Variants in KDM1A observed in about 807,000 individuals in gnomAD.
The protein encoded by KDM1A is lysine-specific histone demethylase 1A.
Under a neutral mutation model 109.4 loss-of-function variants are expected in KDM1A, and 49 were observed. That is an observed-to-expected ratio of 0.45 (90% CI 0.36 to 0.57). The LOEUF (loss-of-function observed/expected upper bound fraction) is 0.57. Ranked by LOEUF, KDM1A falls within the 20% of genes least tolerant of loss-of-function variation. KDM1A has a pLI of 0.00. For missense variants in KDM1A, 668 were observed against 1,116.6 expected (o/e 0.60, Z 5.73); for synonymous variants, 380 against 415.4 (o/e 0.91, Z 1.04).
At chr1:23,040,543 TC>T (rs1164591796) in intron 2 of KDM1A, among the ~76,000 whole-genome samples, 8 of 151,928 alleles carry the variant, frequency 5.3e-5, no homozygotes, top group Non-Finnish European at 1.2e-4. Context: ...ACGCTCATAA[TC>T]CTGTTGCTTT....
chr1:23,025,126 TAA>T (rs1158956979), intron 1 of KDM1A, among the ~76,000 whole-genome samples: 1 of 152,218 alleles, frequency 6.6e-6, no homozygotes, highest in African/African-American at 2.4e-5. Context: ...ATGTGGCTAT[TAA>T]GTTTAAATTG....
At chr1:23,039,230 A>G (rs1642237623) in intron 2 of KDM1A, among the ~76,000 whole-genome samples, 1 of 152,210 alleles carries the variant, frequency 6.6e-6, no homozygotes, top group East Asian at 1.9e-4. Context: ...TAGCATTACT[A>G]GTCTTCTGAA....
chr1:23,078,951 A>T, intron 16 of KDM1A, 39 bp from the exon 17 acceptor site: 1 of 1,556,512 alleles, frequency 6.4e-7, no homozygotes, highest in Non-Finnish European at 8.8e-7. Flanking sequence ...TCAGTGCCAT[A>T]TTCATCACCA....
intron 15 of KDM1A, among the ~76,000 whole-genome samples, chr1:23,075,486 G>A (rs2124530033): frequency 6.6e-6 from 1 of 151,524 alleles, no homozygotes; most frequent in Admixed American, 6.6e-5. Context: ...CACGAGAATT[G>A]CCTGAACCCA....
intron 20 of KDM1A, 148 bp downstream of exon 20, chr1:23,082,514 C>A: frequency 1.4e-6 from 1 of 707,714 alleles, no homozygotes; most frequent in Non-Finnish European, 2.2e-6. Flanking sequence ...GGATGGGCAG[C>A]ATTTCTGATT....
chr1:23,073,427 T>C lies in KDM1A; in HGVS notation c.1734+24T>C, dbSNP rs752561025. 4.8e-6 allele frequency: 6 copies of C among 1,253,594 alleles called. No individual in the cohort carries two copies. In the Admixed American group the frequency reaches 5.1e-5, roughly 11 times the overall value. 77.7% of individuals were successfully genotyped at this position (1,253,594 alleles called of 1,614,324 possible). ...AGGTAAGTTTCCCTTATTGTTTATT[T>C]TATTGCACATGCCTTTGAGAGGGAT... On this transcript the variant is annotated intron_variant, in intron 15 of 20. Coordinates refer to ENST00000400181, the MANE Select transcript of KDM1A (RefSeq NM_001009999.3).
Position 23,019,878 on chromosome 1 carries a change from G to A in KDM1A, c.282G>A (p.Ala94=). The A allele has an allele frequency of 3.9e-6, 6 of 1,556,730 alleles. No homozygotes were observed. Among genetic ancestry groups the A allele is most frequent in the Non-Finnish European group, 5.2e-6 (6 of 1,154,786 alleles). ...GCCCTACTGTCGTGCCTGGGTCTGC[G>A]ACCCCCATGGAAACTGGAATAGCAG... The part of the protein sequence containing the change: ...QAGPTVVPGS[A]TPMETGIAET... Residue 94 remains alanine (A), a synonymous_variant, in exon 1 of 21, where the codon GCG becomes GCA. Coordinates refer to ENST00000400181, the MANE Select transcript of KDM1A (RefSeq NM_001009999.3).
chr1:23,021,983 A>G (rs1275587551), intron 1 of KDM1A, among the ~76,000 whole-genome samples: 1 of 152,116 alleles, frequency 6.6e-6, no homozygotes, highest in Non-Finnish European at 1.5e-5. Context: ...TTCACGTTGT[A>G]GTGCTTTCAT....
At chr1:23,044,569 G>T (rs1642447734) in intron 3 of KDM1A, 83 bp downstream of exon 3, 2 of 1,225,092 alleles carry the variant, frequency 1.6e-6, no homozygotes, top group Non-Finnish European at 1.1e-6. Context: ...TTTGGCTGTG[G>T]TATCCACATT....
At chr1:23,024,904 A>G (rs890219420) in intron 1 of KDM1A, among the ~76,000 whole-genome samples, 3 of 152,212 alleles carry the variant, frequency 2.0e-5, no homozygotes, top group Admixed American at 1.3e-4. Context: ...AGATACTACC[A>G]GTGGAGAAAA....
intron 8 of KDM1A, among the ~76,000 whole-genome samples, chr1:23,058,748 G>T (rs370115116): frequency 9.9e-5 from 15 of 152,122 alleles, no homozygotes; most frequent in East Asian, 9.6e-4. Flanking sequence ...CCGTATTAGC[G>T]TAAAACGATG....
Position 23,063,390 on chromosome 1 carries a change from A to G in KDM1A, c.1168-2670A>G, listed in dbSNP as rs115565522. 6.1e-3 allele frequency among the ~76,000 whole-genome samples: 928 copies of G among 152,204 alleles called. 9 individuals carry two copies. Among genetic ancestry groups the G allele is most frequent in the African/African-American group, 0.02 (847 of 41,506 alleles). ...AGTAATGGGTGTCAGGTCTCTTACA[A>G]ACACCGTTAACTATAGGTGTATTAG... On this transcript the variant is annotated intron_variant, in intron 9 of 20. Transcript: ENST00000400181.
intron 20 of KDM1A, 88 bp from the exon 21 acceptor site, chr1:23,083,091 C>T: frequency 1.6e-6 from 2 of 1,274,710 alleles, no homozygotes; most frequent in Non-Finnish European, 2.2e-6. Context: ...TTAAAAAGGT[C>T]AACAGCAATT....
At chr1:23,082,012 A>G in intron 19 of KDM1A, 1 of 397,676 alleles carries the variant, frequency 2.5e-6, no homozygotes, top group South Asian at 3.9e-5. Context: ...ATAGACAGGA[A>G]GGCAACATGG....
chr1:23,042,453 T>TA (rs1642371713), intron 2 of KDM1A, among the ~76,000 whole-genome samples: 1 of 107,124 alleles, frequency 9.3e-6, no homozygotes, highest in Non-Finnish European at 2.0e-5. Context: ...TTTTTTTTTT[T>TA]TTTTTTTTTT....
At chr1:23,065,066 T>C (rs1004360872) in intron 9 of KDM1A, among the ~76,000 whole-genome samples, 1 of 152,232 alleles carries the variant, frequency 6.6e-6, no homozygotes, top group African/African-American at 2.4e-5. Flanking sequence ...TTAAAACCCA[T>C]TGTAATCATT....
chr1:23,058,937 C>G, intron 8 of KDM1A, 136 bp from the exon 9 acceptor site: 1 of 457,380 alleles, frequency 2.2e-6, no homozygotes, highest in East Asian at 3.9e-5. Context: ...ACTTAGAGTG[C>G]TTTTTTTTTT....
In KDM1A at chr1:23,019,863, C is replaced by T. The variant is rs760113481; in HGVS notation, c.267C>T (p.Val89=). Residue 89 remains valine (V), a synonymous_variant, in exon 1 of 21, where the codon GTC becomes GTT. Transcript: ENST00000400181. ...CAGGGCCTCAGGCCGGCCCTACTGT[C>T]GTGCCTGGGTCTGCGACCCCCATGG... The part of the protein sequence containing the change: ...GSAGPQAGPT[V]VPGSATPMET... 6 of 1,540,376 alleles carry T rather than the reference C, an allele frequency of 3.9e-6. No homozygotes were observed. Among genetic ancestry groups the T allele is most frequent in the Admixed American group, 4.0e-5 (2 of 50,086 alleles).
Position 23,032,969 on chromosome 1 carries a change from G to A in KDM1A, c.517+2335G>A, listed in dbSNP as rs61780491. Among the ~76,000 whole-genome samples, 1,245 of 152,262 alleles carry A rather than the reference G, an allele frequency of 8.2e-3. 9 individuals carry two copies. Among genetic ancestry groups the A allele is most frequent in the Middle Eastern group, 0.017 (5 of 294 alleles). The stretch of plus-strand genomic sequence containing the variant: ...GGCTGGAGTGCAGTGGCATGATCTC[G>A]GCTCACTGCAACCCCTGCCTCCCGG... On this transcript the variant is annotated intron_variant, in intron 2 of 20. Coordinates refer to ENST00000400181, the MANE Select transcript of KDM1A (RefSeq NM_001009999.3).
Sources: allele counts gnomAD v4.1 joint callset (sites outside exome capture counted in the v4.1 genomes callset), GRCh38; gene constraint gnomAD v4.1.1; transcripts MANE v1.5; gene names NCBI Gene and HGNC (gene_info 2026-07-23, HGNC 2026-07-21).